The following AP4B1 variants were observed in gnomAD, a reference collection of about 807,000 sequenced individuals.
AP4B1 encodes AP-4 complex subunit beta-1.
A neutral mutation model predicts 76.5 loss-of-function variants in AP4B1; 49 were observed. That is an observed-to-expected ratio of 0.64 (90% confidence interval 0.51 to 0.81). The LOEUF (loss-of-function observed/expected upper bound fraction) is 0.81. Among genes scored for constraint, AP4B1 ranks in the 40% least tolerant of loss-of-function variants. The pLI, the probability that AP4B1 is intolerant of heterozygous loss-of-function variation, is 0.00. For missense variants in AP4B1, 911 were observed against 904.9 expected, an observed-to-expected ratio of 1.01 and a Z score of -0.09; for synonymous variants, 330 against 333.3, an observed-to-expected ratio of 0.99 and a Z score of 0.11.
In AP4B1 at chr1:113,900,049, C is replaced by T. The variant is rs745963928; in HGVS notation, c.969G>A (p.Ser323=). The part of the protein sequence containing the change: ...SHYKKFFCSY[S]EPHYIKLQKV... ...TCTGTAGTTTGATGTAGTGGGGCTC[C>T]GAGTAGGAGCAAAAAAACTTTTTGT... Residue 323 remains serine, a synonymous_variant, in exon 5 of 10, where the codon TCG becomes TCA. Coordinates refer to ENST00000369569, the MANE Select transcript of AP4B1 (RefSeq NM_001253852.3). The T allele has an allele frequency of 1.3e-5, 21 of 1,614,000 alleles. No homozygotes were observed. Among genetic ancestry groups the T allele is most frequent in the South Asian group, 3.3e-5 (3 of 91,082 alleles).
At chr1:113,901,732 A>G (rs1668291967) in intron 3 of AP4B1, 23 bp downstream of exon 3, 4 of 1,614,074 alleles carry the variant, frequency 2.5e-6, no homozygotes, top group East Asian at 2.2e-5. Flanking sequence ...CACATTGACC[A>G]TGATGGATTA....
At chr1:113,897,504 G>C (rs188562504) in intron 7 of AP4B1, 847 of 365,280 alleles carry the variant, frequency 2.3e-3, no homozygotes, top group Admixed American at 3.9e-3. Flanking sequence ...TGAGGCAAGA[G>C]AATCACTTGA....
At chr1:113,904,917 C>A, upstream of AP4B1, 1 of 577,766 alleles carries the variant, frequency 1.7e-6, no homozygotes, top group Non-Finnish European at 3.2e-6. Flanking sequence ...ACCGCGAGCC[C>A]CACCCTAGGC....
intron 4 of AP4B1, 109 bp downstream of exon 4, chr1:113,901,126 TG>T (rs1558091656): frequency 1.4e-6 from 2 of 1,383,010 alleles, no homozygotes; most frequent in Non-Finnish European, 1.0e-6. Context: ...ATAATAATAA[TG>T]GTTAACTTTC....
At chr1:113,899,165 C>G in intron 5 of AP4B1, 2 of 1,084,784 alleles carry the variant, frequency 1.8e-6, no homozygotes, top group Non-Finnish European at 2.2e-6. Context: ...TGACAGCAGT[C>G]TCCTAAGGAT....
Position 113,895,000 on chromosome 1 carries a change from T to C in AP4B1, c.*65A>G. ...TATTATCTGGACTTACTGGCAGCTCTAATAGGAAAGACTAAGAAAGTGTAA... is the reference window on the plus strand; with the variant it reads ...TATTATCTGGACTTACTGGCAGCTCCAATAGGAAAGACTAAGAAAGTGTAA... On this transcript the variant is annotated 3_prime_UTR_variant, in exon 10 of 10. Transcript: ENST00000369569. 6.6e-7 allele frequency: 1 copy of C among 1,519,318 alleles called. No homozygotes were observed. Among genetic ancestry groups the C allele is most frequent in the South Asian group, 1.2e-5 (1 of 84,500 alleles). The allele number at this position is 1,519,318 out of a possible 1,614,324, so 94.1% of individuals were successfully genotyped here. A position where few individuals can be genotyped will look rare whatever the true frequency, so the allele number is the denominator to read the frequency against.
intron 5 of AP4B1, chr1:113,899,172 G>A: frequency 9.3e-7 from 1 of 1,070,116 alleles, no homozygotes; most frequent in Non-Finnish European, 1.1e-6. Context: ...AGTCTCCTAA[G>A]GATTTCTTGT....
At chr1:113,896,123 TGAA>T (rs1667432836) in intron 8 of AP4B1, 85 bp from the exon 9 acceptor site, 2 of 1,603,062 alleles carry the variant, frequency 1.2e-6, no homozygotes, top group African/African-American at 1.3e-5. Flanking sequence ...GAGAAAAAAA[TGAA>T]GGAGAGAGGA....
rs972153534 is a variant in AP4B1 at position 113,901,113 on chromosome 1, A to G, written c.617+123T>C. ...CAAGAGCAAAACTCCGTCTCAAATAATAATAATAATAATGGTTAACTTTCT... is the reference window on the plus strand; with the variant it reads ...CAAGAGCAAAACTCCGTCTCAAATAGTAATAATAATAATGGTTAACTTTCT... On this transcript the variant is annotated intron_variant, in intron 4 of 9. Coordinates refer to ENST00000369569, the MANE Select transcript of AP4B1 (RefSeq NM_001253852.3). 1.4e-5 allele frequency: 19 copies of G among 1,328,616 alleles called. No homozygotes were observed. In the Admixed American group the frequency reaches 3.7e-4, roughly 26 times the overall value. The allele number at this position is 1,328,616 out of a possible 1,614,324, so 82.3% of individuals were successfully genotyped here. A position where few individuals can be genotyped will look rare whatever the true frequency, so the allele number is the denominator to read the frequency against.
chr1:113,899,106 C>G (rs964178166), intron 5 of AP4B1: 2 of 1,198,330 alleles, frequency 1.7e-6, no homozygotes, highest in African/African-American at 1.6e-5. Context: ...TATGAGGTAC[C>G]CTTTTTGTTG....
At chr1:113,904,543 T>C in intron 1 of AP4B1, 62 bp downstream of exon 1, 1 of 1,464,932 alleles carries the variant, frequency 6.8e-7, no homozygotes, top group Non-Finnish European at 9.6e-7. Flanking sequence ...AGACTGGGGC[T>C]AGTGAGCCCT....
chr1:113,897,754 T>G, intron 7 of AP4B1, 86 bp downstream of exon 7: 1 of 1,418,924 alleles, frequency 7.0e-7, no homozygotes, highest in East Asian at 2.4e-5. Flanking sequence ...AAACACAGGG[T>G]AGAGAGAATA....
chr1:113,895,825 A>G lies in AP4B1; in HGVS notation c.1724T>C (p.Ile575Thr), dbSNP rs955613523. Reference protein sequence around the residue: ...PVYGKAHWATISKCQGAERCD... With the variant: ...PVYGKAHWATTSKCQGAERCD... Reference sequence around the variant, plus strand: ...ACGCTCTGCCCCCTGGCATTTAGAGATAGTTGCCCAGTGGGCTTTGCCATA... The same window carrying G: ...ACGCTCTGCCCCCTGGCATTTAGAGGTAGTTGCCCAGTGGGCTTTGCCATA... The change falls in exon 9 of 10, where the codon ATC becomes ACC. Residue 575 changes from isoleucine to threonine, a missense_variant. Transcript: ENST00000369569. 10 of 1,614,100 alleles carry G rather than the reference A, an allele frequency of 6.2e-6. No homozygotes were observed. The highest frequency in any genetic ancestry group is 1.7e-5 in the Admixed American group (1 of 60,006).
Position 113,904,772 on chromosome 1 carries a change from C to A in AP4B1, c.-55G>T. On this transcript the variant is annotated 5_prime_UTR_variant, in exon 1 of 10. The change creates a new upstream start codon in the 5' untranslated region. Coordinates refer to ENST00000369569, the MANE Select transcript of AP4B1 (RefSeq NM_001253852.3). ...AGCTCCCACGGTAACTCGAGGGCTC[C>A]TTCTCGTCCTGATGTGGGAGCCTGA... 7.0e-7 allele frequency: 1 copy of A among 1,433,728 alleles called. No homozygotes were observed. The highest frequency in any genetic ancestry group is 2.4e-4 in the Middle Eastern group (1 of 4,104). 88.8% of individuals were successfully genotyped at this position (1,433,728 alleles called of 1,614,324 possible). A position where few individuals can be genotyped will look rare whatever the true frequency, so the allele number is the denominator to read the frequency against.
chr1:113,904,552 C>T, intron 1 of AP4B1, 53 bp downstream of exon 1: 1 of 1,542,846 alleles, frequency 6.5e-7, no homozygotes, highest in Non-Finnish European at 9.0e-7. Context: ...CTAGTGAGCC[C>T]TGATGGGGAT....
At position 113,896,314 on chromosome 1, in the gene AP4B1, A is replaced by G; in HGVS notation, c.1454T>C (p.Leu485Pro). 1.9e-6 allele frequency: 3 copies of G among 1,614,086 alleles called. No individual in the cohort carries two copies. The East Asian group carries it at 6.7e-5, about 36-fold the overall frequency. The stretch of plus-strand genomic sequence containing the variant: ...GTCCTGGCACTCAGCAGGTCGGGAG[A>G]GGAAAAGGCGCAGCAAAGCAGTGAG... ...ELLTALLRLF[L>P]SRPAECQDML... Residue 485 changes from leucine to proline, a missense_variant, in exon 8 of 10, where the codon CTC becomes CCC. Physicochemically the swap from Leu to Pro is moderately conservative, Grantham distance 98. Transcript: ENST00000369569.
intron 9 of AP4B1, 30 bp from the exon 10 acceptor site, chr1:113,895,522 A>G (rs754835669): frequency 1.7e-5 from 28 of 1,613,010 alleles, no homozygotes; most frequent in African/African-American, 2.7e-5. Flanking sequence ...TGTGTGAAAG[A>G]TGTTCTTAAT....
rs1668293453 is a variant in AP4B1, at chr1:113,901,743, C to T, written c.469+12G>A. ...GAGGCACATTGACCATGATGGATTACACTGAACTTACCTACTTCAGAGTCT... is the reference window on the plus strand; with the variant it reads ...GAGGCACATTGACCATGATGGATTATACTGAACTTACCTACTTCAGAGTCT... On this transcript the variant is annotated intron_variant, in intron 3 of 9. Coordinates refer to ENST00000369569, the MANE Select transcript of AP4B1 (RefSeq NM_001253852.3). The T allele has an allele frequency of 1.2e-6, 2 of 1,614,084 alleles. No homozygotes were observed. The highest frequency in any genetic ancestry group is 1.7e-6 in the Non-Finnish European group (2 of 1,180,028).
intron 1 of AP4B1, 97 bp from the exon 2 acceptor site, chr1:113,902,959 T>C (rs1668479303): frequency 1.9e-6 from 2 of 1,077,782 alleles, no homozygotes; most frequent in Admixed American, 1.8e-5. Context: ...CCCAACTAGA[T>C]TGTGATCTCT....
Sources: gnomAD v4.1 joint callset for allele counts on GRCh38, gnomAD v4.1.1 for gene constraint, MANE v1.5 for transcripts, NCBI Gene and HGNC (gene_info 2026-07-23, HGNC 2026-07-21) for gene names.